SLC6A15: variants seen among roughly 807,000 people sequenced by gnomAD.
The protein encoded by SLC6A15 is solute carrier family 6 member 15.
SLC6A15 carries 33 observed loss-of-function variants against 68.5 expected under a neutral mutation model. That is an observed-to-expected ratio of 0.48 (90% CI 0.37 to 0.64). SLC6A15 has a LOEUF of 0.64. Ranked by LOEUF, SLC6A15 falls within the 30% of genes least tolerant of loss-of-function variation. The probability of loss-of-function intolerance (pLI) is 0.00; values close to 1 mark genes in which losing one functional copy is unlikely to be tolerated. For missense variants in SLC6A15, 747 were observed against 874.3 expected, an observed-to-expected ratio of 0.85 and a Z score of 1.84; for synonymous variants, 347 against 301.0, an observed-to-expected ratio of 1.15 and a Z score of -1.58.
At chr12:84,863,631 CTTAAT>C in intron 10 of SLC6A15, 30 bp from the exon 11 acceptor site, 4 of 1,445,200 alleles carry the variant, frequency 2.8e-6, no homozygotes, top group Non-Finnish European at 3.7e-6. Flanking sequence ...TTAATTATTC[CTTAAT>C]TTAATATTGC....
At chr12:84,897,235 A>G (rs2120700282) in intron 1 of SLC6A15, among the ~76,000 whole-genome samples, 1 of 152,084 alleles carries the variant, frequency 6.6e-6, no homozygotes, top group East Asian at 1.9e-4. Flanking sequence ...ATAAAGAAAA[A>G]GAAACAACAG....
intron 1 of SLC6A15, among the ~76,000 whole-genome samples, chr12:84,904,224 G>GGGGAGAGAGAGAGAGAGA (rs1555183253): frequency 6.6e-5 from 8 of 121,994 alleles, no homozygotes; most frequent in Admixed American, 5.3e-4. Flanking sequence ...GGGCGGAGGG[G>GGGGAGAGAGAGAGAGAGA]GAGAGAGAGA....
chr12:84,876,107 A>G (rs10779144), intron 6 of SLC6A15, among the ~76,000 whole-genome samples: 150,970 of 150,990 alleles, frequency 1, 75,475 homozygotes, highest in Middle Eastern at 1. Context: ...TTTTGGGAAA[A>G]AAAATCCTCG....
rs370457657 is a variant in SLC6A15, at chr12:84,904,224, GGAGAGA to G, written c.-189+8293_-189+8298del. On this transcript the variant is annotated intron_variant, in intron 1 of 11. Transcript: ENST00000266682. Reference sequence around the variant, plus strand: ...AGAGAAAGGGGGGAGGGGCGGAGGGGGAGAGAGAGAGAGAGAGAGAGAGAGAAATAG... The same window carrying G: ...AGAGAAAGGGGGGAGGGGCGGAGGGGGAGAGAGAGAGAGAGAGAGAAATAG... Among the ~76,000 whole-genome samples, 360 of 122,010 alleles carry G rather than the reference GGAGAGA, an allele frequency of 3.0e-3. 1 individual carries two copies. Among genetic ancestry groups the G allele is most frequent in the African/African-American group, 0.011 (304 of 27,954 alleles). 80.0% of individuals were successfully genotyped at this position (122,010 alleles called of 152,430 possible).
intron 9 of SLC6A15, among the ~76,000 whole-genome samples, chr12:84,868,959 G>A (rs909863683): frequency 6.6e-6 from 1 of 152,114 alleles, no homozygotes; most frequent in Non-Finnish European, 1.5e-5. Flanking sequence ...TCACTTTCTT[G>A]AATAATATAA....
chr12:84,890,368 CCTT>C (rs1872329533), intron 2 of SLC6A15, among the ~76,000 whole-genome samples: 1 of 152,006 alleles, frequency 6.6e-6, no homozygotes, highest in African/African-American at 2.4e-5. Context: ...CAGCTATCCT[CCTT>C]AATAGTGTGG....
intron 1 of SLC6A15, among the ~76,000 whole-genome samples, chr12:84,908,601 CATATATAT>C (rs3084056): frequency 0.13 from 17,989 of 140,484 alleles, 1,210 homozygotes; most frequent in South Asian, 0.28. Context: ...AGTAAAGAAA[CATATATAT>C]ATATATATAT....
intron 8 of SLC6A15, among the ~76,000 whole-genome samples, chr12:84,872,136 G>A (rs1393265936): frequency 6.8e-6 from 1 of 146,710 alleles, no homozygotes; most frequent in South Asian, 2.2e-4. Context: ...CGGCCTGGGC[G>A]ACAGAGAGAG....
chr12:84,881,901 G>T (rs1215159489), intron 5 of SLC6A15: 1 of 985,204 alleles, frequency 1.0e-6, no homozygotes, highest in East Asian at 1.1e-4. Context: ...CCTACAGCTA[G>T]CTTTCTCCCC....
Position 84,870,511 on chromosome 12 carries a change from C to T in SLC6A15, c.1462G>A (p.Asp488Asn). Residue 488 changes from aspartate to asparagine, a missense_variant, in exon 9 of 12, where the codon GAC becomes AAC. By Grantham distance (23) the Asp-to-Asn change is conservative. Coordinates refer to ENST00000266682, the MANE Select transcript of SLC6A15 (RefSeq NM_182767.6). Reference sequence around the variant, plus strand: ...ATTTCTTTCCTCACTTTGAAAGTGTCCACAATAGGCGTGACAATCCCTTCA... The same window carrying T: ...ATTTCTTTCCTCACTTTGAAAGTGTTCACAATAGGCGTGACAATCCCTTCA... ...TIEGIVTPIV[D>N]TFKVRKEILT... 1 of 1,563,318 alleles carries T rather than the reference C, an allele frequency of 6.4e-7. No individual in the cohort carries two copies. Among genetic ancestry groups the T allele is most frequent in the Non-Finnish European group, 8.7e-7 (1 of 1,153,268 alleles).
chr12:84,861,405 T>C lies in SLC6A15; in HGVS notation c.*227A>G, dbSNP rs1870842198. On this transcript the variant is annotated 3_prime_UTR_variant, in exon 12 of 12. Coordinates refer to ENST00000266682, the MANE Select transcript of SLC6A15 (RefSeq NM_182767.6). ...TTAAAAAAAAATCCTGGCAAACATGTACCTCAGCCCTCCTAAGATTTGTCT... is the reference window on the plus strand; with the variant it reads ...TTAAAAAAAAATCCTGGCAAACATGCACCTCAGCCCTCCTAAGATTTGTCT... The C allele has an allele frequency of 4.8e-6, 2 of 413,596 alleles. No individual in the cohort carries two copies. Among genetic ancestry groups the C allele is most frequent in the East Asian group, 7.1e-5 (2 of 28,270 alleles). The allele number at this position is 413,596 out of a possible 1,614,324, so 25.6% of individuals were successfully genotyped here.
chr12:84,867,300 C>A, intron 9 of SLC6A15, 107 bp from the exon 10 acceptor site: 1 of 926,300 alleles, frequency 1.1e-6, no homozygotes, highest in Non-Finnish European at 1.5e-6. Flanking sequence ...TATAACATGT[C>A]CATCATATAA....
chr12:84,862,358 A>C (rs937404123), intron 11 of SLC6A15, among the ~76,000 whole-genome samples: 1 of 152,200 alleles, frequency 6.6e-6, no homozygotes, highest in Non-Finnish European at 1.5e-5. Context: ...ACAGAACTGT[A>C]AGAAATAATA....
intron 11 of SLC6A15, among the ~76,000 whole-genome samples, chr12:84,862,988 T>C (rs1870914458): frequency 6.6e-6 from 1 of 152,122 alleles, no homozygotes; most frequent in African/African-American, 2.4e-5. Flanking sequence ...ACAGGGATTC[T>C]CTGTGTTGCA....
At chr12:84,862,829 T>C (rs1870908627) in intron 11 of SLC6A15, among the ~76,000 whole-genome samples, 1 of 152,182 alleles carries the variant, frequency 6.6e-6, no homozygotes, top group Admixed American at 6.6e-5. Flanking sequence ...ACTTGCTTTG[T>C]CACACAGGCT....
At chr12:84,886,682 T>C (rs910249921) in intron 2 of SLC6A15, among the ~76,000 whole-genome samples, 1 of 151,860 alleles carries the variant, frequency 6.6e-6, no homozygotes, top group East Asian at 1.9e-4. Flanking sequence ...ATAGATTTTG[T>C]TTTCCAAAAT....
intron 1 of SLC6A15, among the ~76,000 whole-genome samples, chr12:84,901,388 C>G (rs1525542): frequency 6.6e-6 from 1 of 151,510 alleles, no homozygotes; most frequent in Non-Finnish European, 1.5e-5. Flanking sequence ...ACTCATTGCC[C>G]TAAAGTGTTC....
intron 9 of SLC6A15, among the ~76,000 whole-genome samples, chr12:84,869,296 A>T (rs936138728): frequency 4.0e-5 from 6 of 151,350 alleles, no homozygotes; most frequent in South Asian, 2.1e-4. Context: ...CGTCTCTATT[A>T]AAAAAAATAC....
At chr12:84,877,548 G>A (rs1871606112) in intron 5 of SLC6A15, among the ~76,000 whole-genome samples, 2 of 152,122 alleles carry the variant, frequency 1.3e-5, no homozygotes, top group African/African-American at 4.8e-5. Flanking sequence ...TCAGGCCCTT[G>A]CTATCCTGTG....
Sources: gnomAD v4.1 joint callset for allele counts (sites outside exome capture counted in the v4.1 genomes callset) on GRCh38, gnomAD v4.1.1 for gene constraint, MANE v1.5 for transcripts, NCBI Gene and HGNC (gene_info 2026-07-23, HGNC 2026-07-21) for gene names.